The following PRKN variants were observed in gnomAD, a reference collection of about 807,000 sequenced individuals.
PRKN encodes the protein parkin RBR E3 ubiquitin protein ligase.
In PRKN, 56 loss-of-function variants were observed where a neutral mutation model predicts 59.5. That is an observed-to-expected ratio of 0.94 (90% confidence interval 0.76 to 1.18). PRKN has a LOEUF of 1.18. PRKN is among the 50% of genes most tolerant of loss of function. The probability of loss-of-function intolerance (pLI) is 0.00; values close to 1 mark genes in which losing one functional copy is unlikely to be tolerated. For synonymous variants in PRKN, 250 were observed against 222.1 expected (o/e 1.13, Z -1.12); for missense variants, 657 against 596.4 (o/e 1.10, Z -1.06).
At chr6:161,769,668 G>C (rs75251154) in intron 7 of PRKN, among the ~76,000 whole-genome samples, 1 of 152,120 alleles carries the variant, frequency 6.6e-6, no homozygotes, top group Non-Finnish European at 1.5e-5. Flanking sequence ...TGCTATTTCT[G>C]GGCTGGGATT....
intron 4 of PRKN, among the ~76,000 whole-genome samples, chr6:162,123,492 T>C (rs1781002548): frequency 6.6e-6 from 1 of 152,234 alleles, no homozygotes; most frequent in African/African-American, 2.4e-5. Flanking sequence ...CGCCACTAGT[T>C]ACTTATATGT....
intron 6 of PRKN, among the ~76,000 whole-genome samples, chr6:161,874,999 A>AAAAATTTATAAATAT (rs1562356797): frequency 1.1e-5 from 1 of 92,848 alleles, no homozygotes; most frequent in East Asian, 3.2e-4. Context: ...TTTATATATA[A>AAAAATTTATAAATAT]TATATTATAT....
intron 9 of PRKN, among the ~76,000 whole-genome samples, chr6:161,511,435 A>C (rs1032021340): frequency 6.6e-6 from 1 of 152,238 alleles, no homozygotes; most frequent in Non-Finnish European, 1.5e-5. Context: ...AACTGGAAAC[A>C]AATCCCTTCA....
rs1254821295 is a variant in PRKN at position 162,021,136 on chromosome 6, A to ATAT, written c.618+32952_618+32954dup. Among the ~76,000 whole-genome samples the ATAT allele has an allele frequency of 6.8e-4, 7 of 10,252 alleles. 1 individual carries two copies. Among genetic ancestry groups the ATAT allele is most frequent in the African/African-American group, 1.3e-3 (2 of 1,524 alleles). The allele number at this position is 10,252 out of a possible 152,430, so 6.7% of individuals were successfully genotyped here. A position where few individuals can be genotyped will look rare whatever the true frequency, so the allele number is the denominator to read the frequency against. ...AACAAAAACATATATATATATATATATATATATATATATATATATATATAT... is the reference window on the plus strand; with the variant it reads ...AACAAAAACATATATATATATATATATATTATATATATATATATATATATATAT... On this transcript the variant is annotated intron_variant, in intron 5 of 11. Transcript: ENST00000366898.
chr6:161,722,337 G>C (rs1208049509), intron 7 of PRKN, among the ~76,000 whole-genome samples: 1 of 152,132 alleles, frequency 6.6e-6, no homozygotes, highest in Non-Finnish European at 1.5e-5. Context: ...ATTGTACTTA[G>C]TATATTTCAT....
intron 2 of PRKN, among the ~76,000 whole-genome samples, chr6:162,284,962 G>T (rs1781113271): frequency 6.6e-6 from 1 of 151,960 alleles, no homozygotes; most frequent in Non-Finnish European, 1.5e-5. Flanking sequence ...CATTAGGGTG[G>T]GTCTTATCTA....
intron 7 of PRKN, among the ~76,000 whole-genome samples, chr6:161,663,864 G>A (rs572818927): frequency 1.1e-3 from 160 of 152,284 alleles, no homozygotes; most frequent in African/African-American, 3.2e-3. Flanking sequence ...AGGAGCAGCC[G>A]CCGGGAGAGA....
intron 1 of PRKN, among the ~76,000 whole-genome samples, chr6:162,644,799 T>C (rs1299148501): frequency 6.6e-6 from 1 of 152,198 alleles, no homozygotes; most frequent in Non-Finnish European, 1.5e-5. Context: ...GCAAAGAATA[T>C]GGTTTGGAAA....
At chr6:161,802,752 T>C (rs1791143352) in intron 6 of PRKN, among the ~76,000 whole-genome samples, 1 of 152,196 alleles carries the variant, frequency 6.6e-6, no homozygotes, top group African/African-American at 2.4e-5. Context: ...CTATAGTAGA[T>C]TTGCCTTCTT....
At chr6:162,229,874 A>G (rs1476903471) in intron 3 of PRKN, among the ~76,000 whole-genome samples, 1 of 152,220 alleles carries the variant, frequency 6.6e-6, no homozygotes, top group Non-Finnish European at 1.5e-5. Context: ...TATATAGCAA[A>G]TTAATTTAAT....
chr6:162,005,860 A>G (rs920860008), intron 5 of PRKN, among the ~76,000 whole-genome samples: 1 of 152,084 alleles, frequency 6.6e-6, no homozygotes, highest in Non-Finnish European at 1.5e-5. Context: ...TATTATTTCT[A>G]TTATCTAAAT....
In PRKN at chr6:162,367,091, C is replaced by A. The variant is rs773366684; in HGVS notation, c.171+76219G>T. ...GGTAGTTGAATCCTGAGGCCAGTTA[C>A]CCCCATGCCTGCTGTTCTCATGATG... On this transcript the variant is annotated intron_variant, in intron 2 of 11. Coordinates refer to ENST00000366898, the MANE Select transcript of PRKN (RefSeq NM_004562.3). Among the ~76,000 whole-genome samples, 3 of 152,026 alleles carry A rather than the reference C, an allele frequency of 2.0e-5. No individual in the cohort carries two copies. In the East Asian group the frequency reaches 5.8e-4, roughly 29 times the overall value.
chr6:161,888,078 C>A (rs9365338), intron 6 of PRKN, among the ~76,000 whole-genome samples: 37,601 of 151,936 alleles, frequency 0.25, 5,570 homozygotes, highest in East Asian at 0.44. Context: ...GCAATAATGG[C>A]CCACCTTCTA....
intron 2 of PRKN, among the ~76,000 whole-genome samples, chr6:162,385,521 T>C (rs1283879084): frequency 1.3e-5 from 2 of 152,112 alleles, no homozygotes; most frequent in Admixed American, 6.6e-5. Context: ...GAGGATAACA[T>C]CTGTTAGATC....
chr6:162,537,754 G>A (rs935160389), intron 1 of PRKN, among the ~76,000 whole-genome samples: 1 of 152,054 alleles, frequency 6.6e-6, no homozygotes, highest in Non-Finnish European at 1.5e-5. Context: ...CCCATCTCCT[G>A]TTCTCTCCAC....
At chr6:161,964,911 A>G (rs1365333629) in intron 6 of PRKN, among the ~76,000 whole-genome samples, 1 of 152,114 alleles carries the variant, frequency 6.6e-6, no homozygotes, top group Admixed American at 6.5e-5. Context: ...CAAAGAACTT[A>G]CACAGTAATT....
chr6:162,434,785 T>C (rs1343258915), intron 2 of PRKN, among the ~76,000 whole-genome samples: 2 of 152,192 alleles, frequency 1.3e-5, no homozygotes, highest in African/African-American at 4.8e-5. Context: ...CATACTCCCA[T>C]ATGTATTCAT....
chr6:161,887,892 T>C (rs966685639), intron 6 of PRKN, among the ~76,000 whole-genome samples: 2 of 152,236 alleles, frequency 1.3e-5, no homozygotes, highest in African/African-American at 4.8e-5. Context: ...GCAAACACTT[T>C]GAAGACAGAT....
chr6:162,320,255 G>A (rs1782934950), intron 2 of PRKN, among the ~76,000 whole-genome samples: 1 of 149,994 alleles, frequency 6.7e-6, no homozygotes, highest in South Asian at 2.1e-4. Context: ...ATTATGAACA[G>A]TGCTGCAATA....
Sources: allele counts gnomAD v4.1 joint callset (sites outside exome capture counted in the v4.1 genomes callset), GRCh38; gene constraint gnomAD v4.1.1; transcripts MANE v1.5; gene names NCBI Gene and HGNC (gene_info 2026-07-23, HGNC 2026-07-21).